Variants in CHSY3 observed in about 807,000 individuals in gnomAD.
The protein encoded by CHSY3 is chondroitin sulfate synthase 3, also known as N-acetylgalactosaminyl-proteoglycan 3-beta-glucuronosyltransferase 3.
A neutral mutation model predicts 67.2 loss-of-function variants in CHSY3; 35 were observed. The ratio of observed to expected loss-of-function variants is 0.52; its 90% CI spans 0.40 to 0.69. The LOEUF is 0.69. Ranked by LOEUF, CHSY3 falls within the 30% of genes least tolerant of loss-of-function variation. The pLI is 0.00. For missense variants in CHSY3, 1,069 were observed against 1,138.5 expected (o/e 0.94, Z 0.88); for synonymous variants, 474 against 434.7 (o/e 1.09, Z -1.12).
intron 2 of CHSY3, among the ~76,000 whole-genome samples, chr5:130,052,340 G>A (rs1765390105): frequency 6.6e-6 from 1 of 152,176 alleles, no homozygotes; most frequent in South Asian, 2.1e-4. Flanking sequence ...GGTTCCCAGA[G>A]CAAGTGAGGG....
intron 2 of CHSY3, among the ~76,000 whole-genome samples, chr5:130,038,276 G>T (rs920648005): frequency 3.9e-5 from 6 of 152,000 alleles, no homozygotes; most frequent in Admixed American, 2.0e-4. Flanking sequence ...AGTGAAAAAG[G>T]TACCTCTTTA....
chr5:130,072,386 A>G (rs1467896529), intron 2 of CHSY3, among the ~76,000 whole-genome samples: 2 of 152,084 alleles, frequency 1.3e-5, no homozygotes, highest in Admixed American at 1.3e-4. Flanking sequence ...GTGGATATCC[A>G]GTTTTCCCAG....
At chr5:130,039,567 TTTG>T (rs1308724282) in intron 2 of CHSY3, among the ~76,000 whole-genome samples, 2 of 130,746 alleles carry the variant, frequency 1.5e-5, no homozygotes, top group Admixed American at 8.6e-5. Context: ...TGTATAAACT[TTTG>T]TTGTTGTTTT....
At chr5:130,016,776 C>T (rs959667470) in intron 2 of CHSY3, among the ~76,000 whole-genome samples, 6 of 152,124 alleles carry the variant, frequency 3.9e-5, no homozygotes, top group Non-Finnish European at 8.8e-5. Context: ...GATCATATTA[C>T]GTATTAATTA....
chr5:130,060,782 G>A (rs1174232016), intron 2 of CHSY3, among the ~76,000 whole-genome samples: 2 of 151,894 alleles, frequency 1.3e-5, no homozygotes, highest in Non-Finnish European at 2.9e-5. Context: ...CAAGTTGAGA[G>A]CAAAATCAAG....
intron 2 of CHSY3, among the ~76,000 whole-genome samples, chr5:129,962,390 C>T (rs1762356483): frequency 6.6e-6 from 1 of 151,970 alleles, no homozygotes; most frequent in Non-Finnish European, 1.5e-5. Context: ...TTGTTTTCCT[C>T]TCTCCTCTTA....
chr5:130,147,889 G>T (rs775873065), intron 2 of CHSY3, among the ~76,000 whole-genome samples: 2 of 152,170 alleles, frequency 1.3e-5, no homozygotes, highest in African/African-American at 2.4e-5. Flanking sequence ...GGGAACATGT[G>T]CAGGTTTGTT....
intron 2 of CHSY3, among the ~76,000 whole-genome samples, chr5:130,088,319 A>G (rs1002100443): frequency 1.3e-5 from 2 of 149,982 alleles, no homozygotes; most frequent in South Asian, 2.1e-4. Flanking sequence ...CAAGGACTTC[A>G]TGTCTAAAAC....
chr5:129,912,505 G>T (rs1041931533), intron 2 of CHSY3, among the ~76,000 whole-genome samples: 13 of 152,272 alleles, frequency 8.5e-5, no homozygotes, highest in African/African-American at 3.1e-4. Flanking sequence ...GTGGTCTGGG[G>T]AAATATGTCT....
chr5:130,115,199 C>G (rs1027516739), intron 2 of CHSY3, among the ~76,000 whole-genome samples: 1 of 151,698 alleles, frequency 6.6e-6, no homozygotes, highest in Admixed American at 6.6e-5. Context: ...TTTCATCCCC[C>G]TAACACTTCA....
intron 2 of CHSY3, among the ~76,000 whole-genome samples, chr5:130,134,470 T>C (rs1192277984): frequency 1.3e-5 from 2 of 152,232 alleles, no homozygotes; most frequent in Non-Finnish European, 2.9e-5. Context: ...CATTCACCAA[T>C]TGTAATATCT....
intron 2 of CHSY3, among the ~76,000 whole-genome samples, chr5:130,180,976 A>C (rs2149737270): frequency 6.6e-6 from 1 of 152,348 alleles, no homozygotes; most frequent in Non-Finnish European, 1.5e-5. Context: ...GTAGAAGAGT[A>C]AATAATTCAA....
intron 2 of CHSY3, among the ~76,000 whole-genome samples, chr5:129,962,541 A>C (rs553392125): frequency 6.6e-6 from 1 of 151,962 alleles, no homozygotes; most frequent in Non-Finnish European, 1.5e-5. Context: ...GCTTAAAACT[A>C]TTTAGTTGTT....
intron 1 of CHSY3, among the ~76,000 whole-genome samples, chr5:129,907,060 G>A (rs2149573775): frequency 6.6e-6 from 1 of 152,274 alleles, no homozygotes; most frequent in African/African-American, 2.4e-5. Context: ...AAAGAAGAAA[G>A]CTTCCTCTAC....
chr5:130,168,825 G>T (rs1769819850), intron 2 of CHSY3, among the ~76,000 whole-genome samples: 1 of 152,048 alleles, frequency 6.6e-6, no homozygotes, highest in Non-Finnish European at 1.5e-5. Flanking sequence ...AATGAGCACT[G>T]GCCAAAATTA....
intron 2 of CHSY3, among the ~76,000 whole-genome samples, chr5:130,172,440 C>T (rs1769923594): frequency 6.6e-6 from 1 of 151,718 alleles, no homozygotes; most frequent in African/African-American, 2.4e-5. Context: ...AAACCATCCT[C>T]CCACTTCAGC....
rs189630532 is a variant in CHSY3 at position 130,093,717 on chromosome 5, T to C, written c.1087-90512T>C. Among the ~76,000 whole-genome samples the C allele has an allele frequency of 1.4e-3, 211 of 152,292 alleles. 4 individuals are homozygous for C. The highest frequency in any genetic ancestry group is 6.8e-3 in the Middle Eastern group (2 of 294). ...TCAATACTTTAGGCTTTACCTTCTCTGCTTGATTATATCTCAAGAACACAG... is the reference window on the plus strand; with the variant it reads ...TCAATACTTTAGGCTTTACCTTCTCCGCTTGATTATATCTCAAGAACACAG... On this transcript the variant is annotated intron_variant, in intron 2 of 2. Coordinates refer to ENST00000305031, the MANE Select transcript of CHSY3 (RefSeq NM_175856.5).
intron 2 of CHSY3, among the ~76,000 whole-genome samples, chr5:130,015,632 G>T (rs981996892): frequency 2.0e-5 from 3 of 152,228 alleles, no homozygotes; most frequent in African/African-American, 7.2e-5. Flanking sequence ...CTTACACAGT[G>T]CTGGAGGGAA....
At chr5:129,911,813 T>G (rs763994970) in intron 2 of CHSY3, among the ~76,000 whole-genome samples, 25 of 152,248 alleles carry the variant, frequency 1.6e-4, no homozygotes, top group Admixed American at 5.2e-4. Flanking sequence ...TCCCAGCACT[T>G]TGGGAGGCTG....
Sources: gnomAD v4.1 joint callset for allele counts (sites outside exome capture counted in the v4.1 genomes callset) on GRCh38, gnomAD v4.1.1 for gene constraint, MANE v1.5 for transcripts, NCBI Gene and HGNC (gene_info 2026-07-23, HGNC 2026-07-21) for gene names.